Variants in MYRIP observed in about 807,000 individuals in gnomAD.
MYRIP encodes the protein rab effector MyRIP.
A neutral mutation model predicts 98.0 loss-of-function variants in MYRIP; 49 were observed. That is an observed-to-expected ratio of 0.50 (90% CI 0.40 to 0.63). The LOEUF is 0.63. Ranked by LOEUF, MYRIP falls within the 30% of genes least tolerant of loss-of-function variation. The probability of loss-of-function intolerance (pLI) is 0.00; values close to 1 mark genes in which losing one functional copy is unlikely to be tolerated. For synonymous variants in MYRIP, 404 were observed against 409.5 expected, an observed-to-expected ratio of 0.99 and a Z score of 0.16; for missense variants, 1,004 against 1,058.2, an observed-to-expected ratio of 0.95 and a Z score of 0.71.
chr3:40,161,675 A>G lies in MYRIP; in HGVS notation c.470-1055A>G, dbSNP rs552503824. Among the ~76,000 whole-genome samples, 174 of 152,214 alleles carry G rather than the reference A, an allele frequency of 1.1e-3. 1 individual carries two copies. Among genetic ancestry groups the G allele is most frequent in the African/African-American group, 3.6e-3 (150 of 41,532 alleles). ...GTTTTCTAAACCCCTCCTCGACTGC[A>G]TTTTCCTCCACTCATTGTCCTGCCA... On this transcript the variant is annotated intron_variant, in intron 4 of 16. Coordinates refer to ENST00000302541, the MANE Select transcript of MYRIP (RefSeq NM_015460.4).
chr3:39,958,135 T>C lies in MYRIP; in HGVS notation c.110+57209T>C, dbSNP rs371449739. Among the ~76,000 whole-genome samples the C allele has an allele frequency of 1.3e-3, 203 of 152,244 alleles. 3 individuals are homozygous for C. In the South Asian group the frequency reaches 0.04, roughly 30 times the overall value. Reference sequence around the variant, plus strand: ...TAATTTATAGATTCAATGCCATCCCTATCAAGCTACCAATGACTTTCTTCA... The same window carrying C: ...TAATTTATAGATTCAATGCCATCCCCATCAAGCTACCAATGACTTTCTTCA... On this transcript the variant is annotated intron_variant, in intron 2 of 16. Transcript: ENST00000302541.
intron 16 of MYRIP, among the ~76,000 whole-genome samples, chr3:40,256,765 G>A (rs1953604753): frequency 6.6e-6 from 1 of 151,286 alleles, no homozygotes; most frequent in Non-Finnish European, 1.5e-5. Context: ...TGATTTTGCT[G>A]ATTTTTTTTT....
intron 2 of MYRIP, among the ~76,000 whole-genome samples, chr3:39,995,446 G>T (rs1946321192): frequency 6.6e-6 from 1 of 152,160 alleles, no homozygotes; most frequent in South Asian, 2.1e-4. Flanking sequence ...AGTGATGGAA[G>T]ATCAAATGAA....
chr3:40,202,448 T>A (rs1951596000), intron 10 of MYRIP, among the ~76,000 whole-genome samples: 1 of 152,162 alleles, frequency 6.6e-6, no homozygotes, highest in Admixed American at 6.5e-5. Context: ...TCACTGGGGT[T>A]ACTGAGGTAA....
chr3:40,110,884 GTGTGTGTGTGT>G (rs1949143997), intron 3 of MYRIP, among the ~76,000 whole-genome samples: 5 of 944 alleles, frequency 5.3e-3, no homozygotes, highest in Admixed American at 0.022. Flanking sequence ...ATGAAGGGGT[GTGTGTGTGTGT>G]GTGTGTGTGT....
chr3:40,063,467 G>T (rs1948061776), intron 3 of MYRIP, among the ~76,000 whole-genome samples: 1 of 152,182 alleles, frequency 6.6e-6, no homozygotes, highest in African/African-American at 2.4e-5. Flanking sequence ...TACTGAGTTT[G>T]ACCTATACAA....
At chr3:40,043,657 G>A (rs1947597596) in intron 2 of MYRIP, among the ~76,000 whole-genome samples, 1 of 152,086 alleles carries the variant, frequency 6.6e-6, no homozygotes, top group South Asian at 2.1e-4. Flanking sequence ...TTCCCAGCTG[G>A]GCTGTGTGAG....
chr3:39,820,058 G>A (rs1941058266), intron 1 of MYRIP, among the ~76,000 whole-genome samples: 1 of 152,176 alleles, frequency 6.6e-6, no homozygotes, highest in Admixed American at 6.5e-5. Flanking sequence ...CATGCTGTGG[G>A]CTGACAGTTT....
chr3:40,080,336 C>T (rs1371599701), intron 3 of MYRIP, among the ~76,000 whole-genome samples: 3 of 151,804 alleles, frequency 2.0e-5, no homozygotes. Flanking sequence ...ATTTTTGTAC[C>T]TATGTTCACA....
At chr3:40,124,562 T>C (rs1321561647) in intron 3 of MYRIP, among the ~76,000 whole-genome samples, 1 of 152,194 alleles carries the variant, frequency 6.6e-6, no homozygotes, top group Non-Finnish European at 1.5e-5. Flanking sequence ...AACCCACACC[T>C]TTCTCCCAGC....
chr3:40,225,073 T>C lies in MYRIP; in HGVS notation c.1906-8786T>C, dbSNP rs368303621. 4.6e-5 allele frequency among the ~76,000 whole-genome samples: 7 copies of C among 152,212 alleles called. No individual in the cohort carries two copies. The East Asian group carries it at 5.8e-4, about 13-fold the overall frequency. ...TACCATTGAAAAGGAGAAAAATACA[T>C]GAAATCAAGGCATTTGGACAAACTT... On this transcript the variant is annotated intron_variant, in intron 11 of 16. Coordinates refer to ENST00000302541, the MANE Select transcript of MYRIP (RefSeq NM_015460.4).
intron 3 of MYRIP, among the ~76,000 whole-genome samples, chr3:40,083,416 C>T (rs1343177127): frequency 1.3e-5 from 2 of 152,040 alleles, no homozygotes; most frequent in Admixed American, 1.3e-4. Flanking sequence ...TGCTTTCTTC[C>T]TTATTCTTCC....
At chr3:40,034,901 G>T (rs560399303) in intron 2 of MYRIP, among the ~76,000 whole-genome samples, 1,563 of 151,440 alleles carry the variant, frequency 0.01, 11 homozygotes, top group Non-Finnish European at 0.017. Context: ...CCATAAAAAA[G>T]GATGAGTTCA....
At chr3:40,059,247 T>G (rs6773620) in intron 3 of MYRIP, among the ~76,000 whole-genome samples, 44,168 of 152,042 alleles carry the variant, frequency 0.29, 6,498 homozygotes, top group East Asian at 0.36. Context: ...AAACTTACGT[T>G]TGCATGTGTC....
intron 1 of MYRIP, among the ~76,000 whole-genome samples, chr3:39,893,042 C>G (rs912219479): frequency 1.5e-4 from 23 of 152,180 alleles, no homozygotes; most frequent in African/African-American, 4.6e-4. Context: ...TGTTATCAAA[C>G]TTGACCAAGT....
At chr3:39,995,452 A>G (rs534569073) in intron 2 of MYRIP, among the ~76,000 whole-genome samples, 1 of 152,330 alleles carries the variant, frequency 6.6e-6, no homozygotes, top group Non-Finnish European at 1.5e-5. Context: ...GGAAGATCAA[A>G]TGAATGAAAT....
chr3:39,949,038 A>G (rs528738483), intron 2 of MYRIP, among the ~76,000 whole-genome samples: 6 of 152,292 alleles, frequency 3.9e-5, no homozygotes, highest in African/African-American at 1.4e-4. Context: ...TGGATTGGGT[A>G]TGAGATCATG....
intron 3 of MYRIP, among the ~76,000 whole-genome samples, chr3:40,130,939 G>A (rs1226526707): frequency 1.3e-5 from 2 of 152,074 alleles, no homozygotes; most frequent in Non-Finnish European, 2.9e-5. Flanking sequence ...TACACTGTGA[G>A]CTCACTGGGG....
intron 1 of MYRIP, among the ~76,000 whole-genome samples, chr3:39,873,645 T>C (rs1942880197): frequency 6.6e-6 from 1 of 152,138 alleles, no homozygotes; most frequent in Non-Finnish European, 1.5e-5. Flanking sequence ...GATCAGATAG[T>C]TGTAGATATG....
Sources: allele counts gnomAD v4.1 joint callset (sites outside exome capture counted in the v4.1 genomes callset), GRCh38; gene constraint gnomAD v4.1.1; transcripts MANE v1.5; gene names NCBI Gene and HGNC (gene_info 2026-07-23, HGNC 2026-07-21).